The following DPP6 variants were observed in gnomAD, a reference collection of about 807,000 sequenced individuals.
DPP6 encodes dipeptidyl peptidase like 6, also known as A-type potassium channel modulatory protein DPP6.
Under a neutral mutation model 122.6 loss-of-function variants are expected in DPP6, and 69 were observed. That is an observed-to-expected ratio of 0.56 (90% CI 0.46 to 0.69). DPP6 has a LOEUF of 0.69. Ranked by LOEUF, DPP6 falls within the 30% of genes least tolerant of loss-of-function variation. The pLI is 0.00. For missense variants in DPP6, 928 were observed against 1,116.9 expected, an observed-to-expected ratio of 0.83 and a Z score of 2.41; for synonymous variants, 418 against 433.1, an observed-to-expected ratio of 0.97 and a Z score of 0.43.
intron 1 of DPP6, among the ~76,000 whole-genome samples, chr7:154,320,651 A>AT (rs1209416762): frequency 6.6e-6 from 1 of 152,002 alleles, no homozygotes; most frequent in Non-Finnish European, 1.5e-5. Flanking sequence ...TGGCCAGCTA[A>AT]TTTTTTGTAC....
chr7:154,295,003 G>A (rs1805446027), intron 1 of DPP6, among the ~76,000 whole-genome samples: 1 of 152,214 alleles, frequency 6.6e-6, no homozygotes, highest in Non-Finnish European at 1.5e-5. Flanking sequence ...TGGTGGTGCC[G>A]TGCCATCGAG....
At chr7:154,384,374 T>C (rs895265432) in intron 1 of DPP6, among the ~76,000 whole-genome samples, 2 of 152,162 alleles carry the variant, frequency 1.3e-5, no homozygotes, top group Non-Finnish European at 2.9e-5. Context: ...ATTGAGAACA[T>C]TCAGAAAAGA....
intron 6 of DPP6, among the ~76,000 whole-genome samples, chr7:154,643,213 C>T (rs977011050): frequency 6.6e-6 from 1 of 152,094 alleles, no homozygotes; most frequent in African/African-American, 2.4e-5. Context: ...ATGGCCTCAA[C>T]TGTCTACAAT....
At chr7:154,834,642 T>C (rs1458491166) in intron 16 of DPP6, among the ~76,000 whole-genome samples, 2 of 152,262 alleles carry the variant, frequency 1.3e-5, no homozygotes, top group African/African-American at 4.8e-5. Context: ...AGACTAGGGT[T>C]GCACGGTGGT....
the DPP6 span, among the ~76,000 whole-genome samples, chr7:153,826,844 A>G: frequency 2.3e-5 from 3 of 132,320 alleles, no homozygotes; most frequent in Admixed American, 7.7e-5. Flanking sequence ...CAGCAAATAT[A>G]TATATATATG....
chr7:154,476,929 A>G (rs1184251318), intron 3 of DPP6, among the ~76,000 whole-genome samples: 1 of 152,034 alleles, frequency 6.6e-6, no homozygotes. Context: ...TCACCTTTAT[A>G]AAAAACTAGC....
intron 1 of DPP6, chr7:154,026,974 CAT>C: frequency 6.8e-6 from 1 of 146,508 alleles, no homozygotes; most frequent in Non-Finnish European, 1.5e-5. Context: ...GAATCCAACA[CAT>C]AAAAAGAAAG....
chr7:154,602,879 T>C (rs1318768069), intron 5 of DPP6, among the ~76,000 whole-genome samples: 1 of 120,004 alleles, frequency 8.3e-6, no homozygotes, highest in African/African-American at 2.7e-5. Flanking sequence ...TTCCTCTGGC[T>C]TTATTTTCTT....
intron 1 of DPP6, among the ~76,000 whole-genome samples, chr7:153,983,527 G>A (rs1306500717): frequency 2.6e-5 from 4 of 152,166 alleles, no homozygotes; most frequent in African/African-American, 7.2e-5. Context: ...TGGCTCCCTG[G>A]CCTCAGCCTC....
At chr7:153,948,783 A>G (rs1335481387) in intron 1 of DPP6, among the ~76,000 whole-genome samples, 2 of 147,486 alleles carry the variant, frequency 1.4e-5, no homozygotes, top group South Asian at 2.4e-4. Flanking sequence ...GCGAGGAGGA[A>G]CTTTATTTCC....
chr7:154,273,611 TCTGTAGATTA>T (rs1461337884), intron 1 of DPP6, among the ~76,000 whole-genome samples: 5 of 152,236 alleles, frequency 3.3e-5, no homozygotes, highest in Non-Finnish European at 5.9e-5. Flanking sequence ...CAATTCACGT[TCTGTAGATTA>T]CTTGATTGTG....
At chr7:154,799,914 T>G (rs748159043) in intron 12 of DPP6, among the ~76,000 whole-genome samples, 1 of 152,214 alleles carries the variant, frequency 6.6e-6, no homozygotes, top group Non-Finnish European at 1.5e-5. Flanking sequence ...TTCACCTGTG[T>G]TCCGAGGAAT....
At chr7:153,757,141 T>C in the DPP6 span, among the ~76,000 whole-genome samples, 1 of 152,246 alleles carries the variant, frequency 6.6e-6, no homozygotes, top group African/African-American at 2.4e-5. Flanking sequence ...GGAAGTTATG[T>C]AATTTCTTGT....
intron 5 of DPP6, among the ~76,000 whole-genome samples, chr7:154,608,921 C>T (rs1833741593): frequency 6.6e-6 from 1 of 152,106 alleles, no homozygotes. Flanking sequence ...TAGTTCCAGT[C>T]CCGTTTTCAA....
intron 4 of DPP6, among the ~76,000 whole-genome samples, chr7:154,554,718 G>A (rs1199833660): frequency 6.6e-6 from 1 of 152,146 alleles, no homozygotes; most frequent in Non-Finnish European, 1.5e-5. Context: ...TGCAAAAGGT[G>A]AAATACTGTA....
At chr7:153,956,412 A>T (rs539786999) in intron 1 of DPP6, among the ~76,000 whole-genome samples, 1 of 152,226 alleles carries the variant, frequency 6.6e-6, no homozygotes, top group South Asian at 2.1e-4. Context: ...AGGGCTGGGG[A>T]TAGGAGATGG....
chr7:153,823,628 G>A, the DPP6 span, among the ~76,000 whole-genome samples: 1 of 148,210 alleles, frequency 6.7e-6, no homozygotes, highest in Non-Finnish European at 1.5e-5. Flanking sequence ...AATCATGACG[G>A]ATATACTCCC....
intron 8 of DPP6, among the ~76,000 whole-genome samples, chr7:154,761,149 A>G (rs1795524811): frequency 6.6e-6 from 1 of 152,140 alleles, no homozygotes; most frequent in Non-Finnish European, 1.5e-5. Flanking sequence ...ACTTTTTTGA[A>G]ACTAAATTTG....
chr7:154,479,637 G>T (rs1164221840), intron 3 of DPP6, among the ~76,000 whole-genome samples: 3 of 151,426 alleles, frequency 2.0e-5, no homozygotes, highest in Non-Finnish European at 4.4e-5. Flanking sequence ...CACACTCCCA[G>T]AAGTGGTCAC....
Sources: gnomAD v4.1 joint callset for allele counts (sites outside exome capture counted in the v4.1 genomes callset) on GRCh38, gnomAD v4.1.1 for gene constraint, MANE v1.5 for transcripts, NCBI Gene and HGNC (gene_info 2026-07-23, HGNC 2026-07-21) for gene names.